The following CHD8 variants were observed in gnomAD, a reference collection of about 807,000 sequenced individuals.
The protein encoded by CHD8 is chromodomain helicase DNA binding protein 8, also known as ATP-dependent chromatin remodeler CHD8.
In CHD8, 31 loss-of-function variants were observed where a neutral mutation model predicts 279.2. The observed-to-expected ratio is 0.11, with a 90% CI of 0.08 to 0.15. The LOEUF (loss-of-function observed/expected upper bound fraction) is 0.15, where lower values mean the gene tolerates loss of function less well. Ranked by LOEUF, CHD8 falls within the 10% of genes least tolerant of loss-of-function variation. CHD8 has a pLI of 1.00. For synonymous variants in CHD8, 1,081 were observed against 1,139.6 expected (o/e 0.95, Z 1.04); for missense variants, 2,146 against 3,230.5 (o/e 0.66, Z 8.14).
intron 2 of CHD8, 67 bp downstream of exon 2, chr14:21,430,734 A>T (rs1425618698): frequency 6.2e-6 from 6 of 962,310 alleles, no homozygotes; most frequent in Non-Finnish European, 9.2e-6. Flanking sequence ...TCATGTGCTC[A>T]CTCTCTCAAA....
intron 1 of CHD8, among the ~76,000 whole-genome samples, chr14:21,435,288 T>C (rs1889735643): frequency 6.6e-6 from 1 of 152,238 alleles, no homozygotes; most frequent in Non-Finnish European, 1.5e-5. Flanking sequence ...CATCTATCTA[T>C]AATCGCCAAG....
chr14:21,408,330 C>T lies in CHD8; in HGVS notation c.2712G>A (p.Met904Ile). Residue 904 changes from methionine (M) to isoleucine (I), a missense_variant, in exon 13 of 38, where the codon ATG (methionine) becomes ATA (isoleucine). This residue lies in a region of CHD8 where 211 missense variants were observed against 464.7 expected (regional missense o/e 0.45). Coordinates refer to ENST00000646647, the MANE Select transcript of CHD8 (RefSeq NM_001170629.2). The surrounding 1 kb of genome is among the most constrained non-coding windows in gnomAD (Gnocchi z 4.3). ...AACTCACCCGTGAATCTTTGCAGTACATTTCATACTGTTGAATCATCTGCC... is the reference window on the plus strand; with the variant it reads ...AACTCACCCGTGAATCTTTGCAGTATATTTCATACTGTTGAATCATCTGCC... ...ASRQMIQQYE[M>I]YCKDSRGRLI... The T allele has an allele frequency of 6.2e-7, 1 of 1,613,482 alleles. No individual in the cohort carries two copies. Among genetic ancestry groups the T allele is most frequent in the Non-Finnish European group, 8.5e-7 (1 of 1,179,850 alleles).
intron 30 of CHD8, 66 bp from the exon 31 acceptor site, chr14:21,394,551 T>C: frequency 8.8e-7 from 1 of 1,135,320 alleles, no homozygotes; most frequent in Non-Finnish European, 1.3e-6. Flanking sequence ...AGAAAACTGG[T>C]TATTTTTTAA....
At chr14:21,389,210 G>C (rs1221743844) in intron 37 of CHD8, among the ~76,000 whole-genome samples, 1 of 151,828 alleles carries the variant, frequency 6.6e-6, no homozygotes, top group African/African-American at 2.4e-5. Context: ...TGAGGCAGGA[G>C]AATCACTTGA....
intron 1 of CHD8, among the ~76,000 whole-genome samples, chr14:21,444,717 T>G (rs964777543): frequency 5.9e-5 from 9 of 152,172 alleles, no homozygotes; most frequent in Non-Finnish European, 1.2e-4. Flanking sequence ...AAAAAAAAAT[T>G]TATTTGCTAC....
chr14:21,405,935 A>G lies in CHD8; in HGVS notation c.2908-71T>C, dbSNP rs73579663. ...ACTTCTGGGGTTTCCTATCAAGTATATAATCTTTAACATATATAACCTTTA... is the reference window on the plus strand; with the variant it reads ...ACTTCTGGGGTTTCCTATCAAGTATGTAATCTTTAACATATATAACCTTTA... On this transcript the variant is annotated intron_variant, in intron 14 of 37. Transcript: ENST00000646647. This position sits in a 1 kb window ranked among gnomAD's most constrained non-coding sequence, Gnocchi z 4.2. 5,915 of 1,228,200 alleles carry G rather than the reference A, an allele frequency of 4.8e-3. 230 individuals carry two copies. In the African/African-American group the frequency reaches 0.079, roughly 16 times the overall value. 76.1% of individuals were successfully genotyped at this position (1,228,200 alleles called of 1,614,324 possible). A position where few individuals can be genotyped will look rare whatever the true frequency, so the allele number is the denominator to read the frequency against.
At chr14:21,399,824 C>A in intron 25 of CHD8, 119 bp from the exon 26 acceptor site, 1 of 923,162 alleles carries the variant, frequency 1.1e-6, no homozygotes. Context: ...ATGCATCTAC[C>A]CTATTTCCTC....
chr14:21,452,770 G>A (rs898019823), intron 1 of CHD8, among the ~76,000 whole-genome samples: 3 of 152,094 alleles, frequency 2.0e-5, no homozygotes, highest in Non-Finnish European at 2.9e-5. Flanking sequence ...CCGATCATGA[G>A]GTCAGGAGTT....
Position 21,408,394 on chromosome 14 carries a change from T to A in CHD8, c.2648A>T (p.Glu883Val). The A allele has an allele frequency of 6.2e-7, 1 of 1,613,996 alleles. No homozygotes were observed. The highest frequency in any genetic ancestry group is 8.5e-7 in the Non-Finnish European group (1 of 1,179,876). ...NWEREFNTWTEMNTIVYHGSL... is the reference protein window; with the variant it reads ...NWEREFNTWTVMNTIVYHGSL... ...GCCATGGTACACAATAGTGTTCATT[T>A]CTGTCCATGTATTAAATTCTCGCTC... is the stretch of plus-strand genomic sequence containing the variant. Residue 883 changes from glutamate (E) to valine (V), a missense_variant, in exon 13 of 38, where the codon GAA becomes GTA. Transcript: ENST00000646647. This position sits in a 1 kb window ranked among gnomAD's most constrained non-coding sequence, Gnocchi z 4.3.
At position 21,403,707 on chromosome 14, in the gene CHD8, T is replaced by C. The variant is rs376350784; in HGVS notation, c.3308-44A>G. ...AATTATGTTGAGATCCAGTGAACCATATTAAGGTTGTAGTCTATTTAACTA... is the reference window on the plus strand; with the variant it reads ...AATTATGTTGAGATCCAGTGAACCACATTAAGGTTGTAGTCTATTTAACTA... On this transcript the variant is annotated intron_variant, in intron 16 of 37. Coordinates refer to ENST00000646647, the MANE Select transcript of CHD8 (RefSeq NM_001170629.2). The surrounding 1 kb of genome is among the most constrained non-coding windows in gnomAD (Gnocchi z 4.3). 2 of 1,475,906 alleles carry C rather than the reference T, an allele frequency of 1.4e-6. No individual in the cohort carries two copies. Among genetic ancestry groups the C allele is most frequent in the Admixed American group, 2.0e-5 (1 of 50,884 alleles). The allele number at this position is 1,475,906 out of a possible 1,614,324, so 91.4% of individuals were successfully genotyped here. A position where few individuals can be genotyped will look rare whatever the true frequency, so the allele number is the denominator to read the frequency against.
At chr14:21,442,050 G>A (rs1169106161) in intron 1 of CHD8, among the ~76,000 whole-genome samples, 1 of 152,222 alleles carries the variant, frequency 6.6e-6, no homozygotes, top group Non-Finnish European at 1.5e-5. Context: ...TGTAAAAGTG[G>A]AGATTACCCA....
chr14:21,403,143 G>A lies in CHD8; in HGVS notation c.3588C>T (p.Ser1196=). The A allele has an allele frequency of 6.2e-7, 1 of 1,614,040 alleles. No individual in the cohort carries two copies. The highest frequency in any genetic ancestry group is 8.5e-7 in the Non-Finnish European group (1 of 1,179,904). ...NLRQAAIDRF[S]KPDSDRFVFL... ...AGACAAAGCGGTCTGAGTCAGGCTT[G>A]CTGAAGCGGTCAATGGCAGCCTGTC... The change falls in exon 18 of 38, where the codon AGC becomes AGT. Residue 1196 remains serine (S), a synonymous_variant. Coordinates refer to ENST00000646647, the MANE Select transcript of CHD8 (RefSeq NM_001170629.2). This position sits in a 1 kb window ranked among gnomAD's most constrained non-coding sequence, Gnocchi z 4.3.
At position 21,394,501 on chromosome 14, in the gene CHD8, T is replaced by G; in HGVS notation, c.5391-16A>C. 6.5e-7 allele frequency: 1 copy of G among 1,542,812 alleles called. No individual in the cohort carries two copies. The highest frequency in any genetic ancestry group is 8.8e-7 in the Non-Finnish European group (1 of 1,133,398). On this transcript the variant is annotated splice_polypyrimidine_tract_variant and intron_variant, in intron 30 of 37. Transcript: ENST00000646647. Reference sequence around the variant, plus strand: ...CCTTGTCCATCTACAAAAGGAAAAGTAGGGCAACAATAATCAGAAGAACAC... The same window carrying G: ...CCTTGTCCATCTACAAAAGGAAAAGGAGGGCAACAATAATCAGAAGAACAC...
chr14:21,397,202 C>A, intron 27 of CHD8: 1 of 393,892 alleles, frequency 2.5e-6, no homozygotes. Context: ...GAGGGTCCTA[C>A]ACTAGGCAAA....
rs748063394 is a variant in CHD8, at chr14:21,429,091, T to G, written c.1088A>C (p.Gln363Pro). 1 of 1,614,002 alleles carries G rather than the reference T, an allele frequency of 6.2e-7. No homozygotes were observed. The highest frequency in any genetic ancestry group is 2.2e-5 in the East Asian group (1 of 44,882). Residue 363 changes from glutamine to proline, a missense_variant, in exon 3 of 38, where the codon CAG becomes CCG. Coordinates refer to ENST00000646647, the MANE Select transcript of CHD8 (RefSeq NM_001170629.2). ...CTGGGTGGAGGGTGGCTGCTGGGGC[T>G]GTGGCTGCGATGATGGTGGTTGTGG... Reference protein sequence around the residue: ...IVPQPPSSQPQPQQPPSTQPV... With the variant: ...IVPQPPSSQPPPQQPPSTQPV...
chr14:21,385,867 G>A lies in CHD8; in HGVS notation c.7492C>T (p.His2498Tyr), dbSNP rs1373244183. The change falls in exon 38 of 38, where the codon CAC becomes TAC. Residue 2498 changes from histidine to tyrosine, a missense_variant. His to Tyr is a moderately conservative substitution (Grantham distance 83). Coordinates refer to ENST00000646647, the MANE Select transcript of CHD8 (RefSeq NM_001170629.2). Reference protein sequence around the residue: ...SSTMLHHHHHHPHPHHHHHHH... With the variant: ...SSTMLHHHHHYPHPHHHHHHH... Reference sequence around the variant, plus strand: ...TGGTGGTGATGGTGGGGGTGGGGGTGGTGGTGGTGGTGATGAAGCATGGTG... The same window carrying A: ...TGGTGGTGATGGTGGGGGTGGGGGTAGTGGTGGTGGTGATGAAGCATGGTG... 6.5e-7 allele frequency: 1 copy of A among 1,546,860 alleles called. No homozygotes were observed. Among genetic ancestry groups the A allele is most frequent in the Admixed American group, 2.0e-5 (1 of 50,910 alleles).
chr14:21,437,186 G>C (rs1889820377), intron 1 of CHD8: 1 of 1,171,492 alleles, frequency 8.5e-7, no homozygotes, highest in Non-Finnish European at 1.1e-6. Flanking sequence ...GGAGAGAGGT[G>C]GCTTTACCTG....
At position 21,402,299 on chromosome 14, in the gene CHD8, TCTA is replaced by T; in HGVS notation, c.3882+34_3882+36del. The T allele has an allele frequency of 2.5e-6, 4 of 1,608,090 alleles. No homozygotes were observed. Among genetic ancestry groups the T allele is most frequent in the Middle Eastern group, 1.7e-4 (1 of 6,054 alleles). On this transcript the variant is annotated intron_variant, in intron 19 of 37. Transcript: ENST00000646647. This position sits in a 1 kb window ranked among gnomAD's most constrained non-coding sequence, Gnocchi z 4.5. Reference sequence around the variant, plus strand: ...CTTTTGTTTCCCTCTATCACAATGATCTACTACAAACTTATCTATAAACTAAGA... The same window carrying T: ...CTTTTGTTTCCCTCTATCACAATGATCTACAAACTTATCTATAAACTAAGA...
intron 5 of CHD8, chr14:21,419,782 TG>T: frequency 2.8e-6 from 1 of 351,096 alleles, no homozygotes; most frequent in Non-Finnish European, 5.8e-6. Flanking sequence ...TAGAAATTCC[TG>T]GAGTGTCGGA....
Sources: gnomAD v4.1 joint callset for allele counts (sites outside exome capture counted in the v4.1 genomes callset) on GRCh38, gnomAD v4.1.1 for gene constraint, gnomAD v4.1.1 regional missense constraint, Gnocchi (gnomAD v3.1) non-coding constraint, MANE v1.5 for transcripts, NCBI Gene and HGNC (gene_info 2026-07-23, HGNC 2026-07-21) for gene names.